RAD21L1: variants seen among roughly 807,000 people sequenced by gnomAD.
The protein encoded by RAD21L1 is double-strand-break repair protein rad21-like protein 1.
A neutral mutation model predicts 69.0 loss-of-function variants in RAD21L1; 47 were observed. The ratio of observed to expected loss-of-function variants is 0.68; its 90% CI spans 0.54 to 0.87. The LOEUF (loss-of-function observed/expected upper bound fraction) is 0.87. Ranked by LOEUF, RAD21L1 falls within the 40% of genes least tolerant of loss-of-function variation. The pLI is 0.00. For synonymous variants in RAD21L1, 177 were observed against 205.8 expected (o/e 0.86, Z 1.20); for missense variants, 583 against 647.6 (o/e 0.90, Z 1.08).
chr20:1,227,753 C>T (rs998615964), intron 1 of RAD21L1, among the ~76,000 whole-genome samples: 1 of 152,098 alleles, frequency 6.6e-6, no homozygotes, highest in Non-Finnish European at 1.5e-5. Context: ...TTTTATCGTT[C>T]TTATTTCAAA....
intron 8 of RAD21L1, 54 bp from the exon 9 acceptor site, chr20:1,242,565 A>T: frequency 1.5e-6 from 2 of 1,351,934 alleles, no homozygotes; most frequent in Non-Finnish European, 2.1e-6. Flanking sequence ...TGCCTACAAT[A>T]TGATTTTAGA....
At position 1,242,819 on chromosome 20, in the gene RAD21L1, G is replaced by T. The variant is rs140251659; in HGVS notation, c.1057G>T (p.Asp353Tyr). The T allele has an allele frequency of 7.0e-5, 109 of 1,551,198 alleles. No homozygotes were observed. The Admixed American group carries it at 7.5e-4, about 11-fold the overall frequency. Residue 353 changes from aspartate (D) to tyrosine (Y), a missense_variant, in exon 9 of 14, where the codon GAT becomes TAT. Coordinates refer to ENST00000683101, the MANE Select transcript of RAD21L1 (RefSeq NM_001384355.1). The stretch of plus-strand genomic sequence containing the variant: ...TACACTTCTGTCAACTGCTGCCCAG[G>T]ATTTGATTCATGCTGAACTGAAAAT... ...VHTLLSTAAQ[D>Y]LIHAELKMLF...
intron 3 of RAD21L1, among the ~76,000 whole-genome samples, chr20:1,231,106 T>A (rs1010067489): frequency 6.6e-6 from 1 of 152,150 alleles, no homozygotes; most frequent in African/African-American, 2.4e-5. Flanking sequence ...TACCCAGCCA[T>A]GTAAAAAGTC....
Position 1,242,692 on chromosome 20 carries a change from T to TTA in RAD21L1, c.930_931insTA (p.Ile311Ter). 6.4e-7 allele frequency: 1 copy of TTA among 1,551,662 alleles called. No individual in the cohort carries two copies. The highest frequency in any genetic ancestry group is 8.7e-7 in the Non-Finnish European group (1 of 1,146,936). On this transcript the variant is annotated frameshift_variant, in exon 9 of 14. Coordinates refer to ENST00000683101, the MANE Select transcript of RAD21L1 (RefSeq NM_001384355.1). LOFTEE classifies it high-confidence loss of function. ...CTATCAAGGAGCTCAGTAGCAAAGT[T>TTA]ATACATAAACAGCTTACTTCCTTTG...
chr20:1,248,045 CAA>C (rs71327497), intron 12 of RAD21L1, among the ~76,000 whole-genome samples: 12 of 71,930 alleles, frequency 1.7e-4, no homozygotes, highest in African/African-American at 2.9e-4. Context: ...CCTTAAATAC[CAA>C]AAAAAAAAAA....
intron 4 of RAD21L1, 82 bp downstream of exon 4, chr20:1,231,701 A>ATG: frequency 1.3e-6 from 1 of 740,834 alleles, no homozygotes; most frequent in Non-Finnish European, 2.3e-6. Flanking sequence ...GTCAAATGGA[A>ATG]TGTAGTTAAC....
Position 1,238,146 on chromosome 20 carries a change from G to A in RAD21L1, c.578G>A (p.Gly193Glu). The change falls in exon 6 of 14, where the codon GGA (glycine) becomes GAA (glutamate). Residue 193 changes from glycine (G) to glutamate (E), a missense_variant. Transcript: ENST00000683101. The part of the protein sequence containing the change: ...LIEHSSGSLT[G>E]ERSLFYDSGD... ...GAACATAGTTCTGGAAGCCTCACTG[G>A]AGAACGATCTCTATTCTATGACAGT... is the stretch of plus-strand genomic sequence containing the variant. 6.5e-7 allele frequency: 1 copy of A among 1,545,700 alleles called. No individual in the cohort carries two copies. Among genetic ancestry groups the A allele is most frequent in the Non-Finnish European group, 8.7e-7 (1 of 1,143,102 alleles).
In RAD21L1 at chr20:1,247,455, T is replaced by G. The variant is rs558579187; in HGVS notation, c.1401+1150T>G. On this transcript the variant is annotated intron_variant, in intron 12 of 13. Coordinates refer to ENST00000683101, the MANE Select transcript of RAD21L1 (RefSeq NM_001384355.1). ...AATAAACATTAATAAGTGGGTGTCC[T>G]CATTTATCCAAGGAGAGACCAGAAA... Among the ~76,000 whole-genome samples, 20 of 152,302 alleles carry G rather than the reference T, an allele frequency of 1.3e-4. No homozygotes were observed. The South Asian group carries it at 3.7e-3, about 28-fold the overall frequency.
intron 5 of RAD21L1, among the ~76,000 whole-genome samples, chr20:1,235,190 G>A (rs1188458803): frequency 6.6e-6 from 1 of 152,132 alleles, no homozygotes; most frequent in African/African-American, 2.4e-5. Flanking sequence ...TAGAATCTGT[G>A]TAATGTTCAT....
chr20:1,239,017 G>A (rs2122819280), intron 6 of RAD21L1, among the ~76,000 whole-genome samples: 1 of 152,032 alleles, frequency 6.6e-6, no homozygotes, highest in East Asian at 1.9e-4. Flanking sequence ...AGTAGAGATG[G>A]GGTTTCACCA....
chr20:1,232,321 C>T (rs1230191643), intron 4 of RAD21L1, among the ~76,000 whole-genome samples: 2 of 152,118 alleles, frequency 1.3e-5, no homozygotes, highest in East Asian at 3.8e-4. Context: ...TCAGGGAACA[C>T]AGGAAGGTTT....
In RAD21L1 at chr20:1,228,782, T is replaced by G. The variant is rs527696906; in HGVS notation, c.144+185T>G. ...ATTGGTTTCTGTTGGTAATTAACTT[T>G]TTCATATGTCTATCATAGATAGATT... On this transcript the variant is annotated intron_variant, in intron 2 of 13. Coordinates refer to ENST00000683101, the MANE Select transcript of RAD21L1 (RefSeq NM_001384355.1). 3.9e-5 allele frequency among the ~76,000 whole-genome samples: 6 copies of G among 152,344 alleles called. No homozygotes were observed. The South Asian group carries it at 1.2e-3, about 32-fold the overall frequency.
At position 1,246,410 on chromosome 20, in the gene RAD21L1, C is replaced by T; in HGVS notation, c.1401+105C>T. On this transcript the variant is annotated intron_variant, in intron 12 of 13. Coordinates refer to ENST00000683101, the MANE Select transcript of RAD21L1 (RefSeq NM_001384355.1). The surrounding 1 kb of genome is among the most constrained non-coding windows in gnomAD (Gnocchi z 4.6). ...GCTTTTATAGCTGTCATGTTACTTTCTAAATTTATAATTTAAATTTGTGAT... is the reference window on the plus strand; with the variant it reads ...GCTTTTATAGCTGTCATGTTACTTTTTAAATTTATAATTTAAATTTGTGAT... 1 of 445,818 alleles carries T rather than the reference C, an allele frequency of 2.2e-6. No homozygotes were observed. Among genetic ancestry groups the T allele is most frequent in the Non-Finnish European group, 4.0e-6 (1 of 253,150 alleles). The allele number at this position is 445,818 out of a possible 1,614,324, so 27.6% of individuals were successfully genotyped here.
At chr20:1,254,107 T>C (rs1287729088) in intron 13 of RAD21L1, among the ~76,000 whole-genome samples, 162 bp from the exon 14 acceptor site, 1 of 152,232 alleles carries the variant, frequency 6.6e-6, no homozygotes, top group Non-Finnish European at 1.5e-5. Context: ...CTTGTGTTGT[T>C]TTTATGTTTA....
intron 7 of RAD21L1, 83 bp downstream of exon 7, chr20:1,239,490 A>C: frequency 1.4e-6 from 1 of 704,674 alleles, no homozygotes; most frequent in Non-Finnish European, 2.5e-6. Context: ...GTAGCAATAT[A>C]GTATAGTGAA....
chr20:1,236,567 A>G (rs2087498602), intron 5 of RAD21L1, among the ~76,000 whole-genome samples: 2 of 151,620 alleles, frequency 1.3e-5, no homozygotes, highest in African/African-American at 4.8e-5. Flanking sequence ...AAATGGGCAG[A>G]TTTGGGTTTG....
chr20:1,246,349 T>C lies in RAD21L1; in HGVS notation c.1401+44T>C. 1 of 979,194 alleles carries C rather than the reference T, an allele frequency of 1.0e-6. No individual in the cohort carries two copies. Among genetic ancestry groups the C allele is most frequent in the Non-Finnish European group, 1.5e-6 (1 of 684,916 alleles). The allele number at this position is 979,194 out of a possible 1,614,324, so 60.7% of individuals were successfully genotyped here. A position where few individuals can be genotyped will look rare whatever the true frequency, so the allele number is the denominator to read the frequency against. ...TTGGGGATGTTCTTAAAAACTTTATTCCTAAATATTTAACACCTTATTTAT... is the reference window on the plus strand; with the variant it reads ...TTGGGGATGTTCTTAAAAACTTTATCCCTAAATATTTAACACCTTATTTAT... On this transcript the variant is annotated intron_variant, in intron 12 of 13. Coordinates refer to ENST00000683101, the MANE Select transcript of RAD21L1 (RefSeq NM_001384355.1). The surrounding 1 kb of genome is among the most constrained non-coding windows in gnomAD (Gnocchi z 4.6).
In RAD21L1 at chr20:1,244,141, G is replaced by A; in HGVS notation, c.1279G>A (p.Glu427Lys). The change falls in exon 11 of 14, where the codon GAG (glutamate) becomes AAG (lysine). Residue 427 changes from glutamate to lysine, a missense_variant. Glu to Lys is a moderately conservative substitution (Grantham distance 56). Coordinates refer to ENST00000683101, the MANE Select transcript of RAD21L1 (RefSeq NM_001384355.1). The part of the protein sequence containing the change: ...VIGGSQHSSH[E>K]DTNKNINSED... ...TGGTGGATCTCAGCATAGCTCTCAT[G>A]AGGATACCAATAAAAATATTAACTC... 1 of 1,546,436 alleles carries A rather than the reference G, an allele frequency of 6.5e-7. No homozygotes were observed. Among genetic ancestry groups the A allele is most frequent in the South Asian group, 1.2e-5 (1 of 83,176 alleles).
At chr20:1,228,038 T>G (rs2087301172) in intron 1 of RAD21L1, among the ~76,000 whole-genome samples, 1 of 152,312 alleles carries the variant, frequency 6.6e-6, no homozygotes, top group Non-Finnish European at 1.5e-5. Context: ...TAGCTTTTCT[T>G]GGTTTTGTCT....
Sources: allele counts gnomAD v4.1 joint callset (sites outside exome capture counted in the v4.1 genomes callset), GRCh38; gene constraint gnomAD v4.1.1; non-coding constraint Gnocchi (gnomAD v3.1); transcripts MANE v1.5; gene names NCBI Gene and HGNC (gene_info 2026-07-23, HGNC 2026-07-21).